ZNF514: variants seen among roughly 807,000 people sequenced by gnomAD.
ZNF514 encodes the protein zinc finger protein 514.
ZNF514 carries 12 observed loss-of-function variants against 9.7 expected under a neutral mutation model. The observed-to-expected ratio is 1.24, with a 90% CI of 0.79 to 2.01. The LOEUF is 2.01. Among genes scored for constraint, ZNF514 ranks in the 30% most tolerant of loss-of-function variants. The pLI is 0.00. For synonymous variants in ZNF514, 158 were observed against 163.7 expected (o/e 0.97, Z 0.27); for missense variants, 467 against 465.5 (o/e 1.00, Z -0.03).
At chr2:95,132,392 A>G in the ZNF514 span, among the ~76,000 whole-genome samples, 8 of 152,306 alleles carry the variant, frequency 5.3e-5, no homozygotes, top group African/African-American at 1.9e-4. Flanking sequence ...ATTAGCCATT[A>G]GGGAAATGCA....
At chr2:95,136,017 T>C in the ZNF514 span, among the ~76,000 whole-genome samples, 1 of 151,976 alleles carries the variant, frequency 6.6e-6, no homozygotes, top group Non-Finnish European at 1.5e-5. Flanking sequence ...TGAACCAAGA[T>C]CGTACCACTG....
intron 2 of ZNF514, among the ~76,000 whole-genome samples, chr2:95,156,698 C>A (rs1399599235): frequency 6.6e-6 from 1 of 152,204 alleles, no homozygotes; most frequent in Non-Finnish European, 1.5e-5. Flanking sequence ...TTATTATAGT[C>A]TTCATGTTAC....
At chr2:95,125,602 A>G in the ZNF514 span, among the ~76,000 whole-genome samples, 1 of 152,222 alleles carries the variant, frequency 6.6e-6, no homozygotes, top group East Asian at 1.9e-4. Context: ...TTGTGCTACC[A>G]TCACCACCAT....
rs766532512 is a variant in ZNF514, at chr2:95,150,161, C to A, written c.324G>T (p.Leu108=). The change falls in exon 5 of 5, where the codon CTG becomes CTT. Residue 108 remains leucine (L), a synonymous_variant. Coordinates refer to ENST00000295208, the MANE Select transcript of ZNF514 (RefSeq NM_032788.3). ...AGGCTGCTTTCAACTTCGAGAACTG[C>A]AGCACATCTTGAATGTGTTTTTCCA... ...VSVEKHIQDV[L]QFSKLKAACG... is the part of the protein sequence containing the mutation. 1 of 1,610,022 alleles carries A rather than the reference C, an allele frequency of 6.2e-7. No individual in the cohort carries two copies. The highest frequency in any genetic ancestry group is 8.5e-7 in the Non-Finnish European group (1 of 1,179,984).
At chr2:95,125,089 G>C in the ZNF514 span, among the ~76,000 whole-genome samples, 1 of 150,930 alleles carries the variant, frequency 6.6e-6, no homozygotes, top group East Asian at 2.0e-4. Context: ...ATGTTGCCCA[G>C]GCTGGTCTCA....
In ZNF514 at chr2:95,146,693, T is replaced by G. The variant is rs186801914; in HGVS notation, c.*2589A>C. On this transcript the variant is annotated 3_prime_UTR_variant, in exon 5 of 5. Coordinates refer to ENST00000295208, the MANE Select transcript of ZNF514 (RefSeq NM_032788.3). ...GACACTGGGTTCAAACTGGTAAGTA[T>G]GGTTAATATGGCAAGGATACATGAG... 3.6e-3 allele frequency among the ~76,000 whole-genome samples: 545 copies of G among 150,998 alleles called. 3 individuals carry two copies. The highest frequency in any genetic ancestry group is 0.012 in the African/African-American group (485 of 41,038).
the ZNF514 span, among the ~76,000 whole-genome samples, chr2:95,126,140 G>T: frequency 2.0e-5 from 3 of 152,258 alleles, no homozygotes; most frequent in East Asian, 5.8e-4. Flanking sequence ...GGAGGCCAAG[G>T]TGGGTGGATC....
the ZNF514 span, among the ~76,000 whole-genome samples, chr2:95,130,541 G>C: frequency 1.3e-5 from 2 of 152,260 alleles, no homozygotes; most frequent in African/African-American, 4.8e-5. Flanking sequence ...TGCCCCGGGG[G>C]GGCCGGTTCA....
At chr2:95,150,583 G>A (rs905290547) in intron 4 of ZNF514, among the ~76,000 whole-genome samples, 1 of 152,134 alleles carries the variant, frequency 6.6e-6, no homozygotes, top group Middle Eastern at 3.2e-3. Context: ...TAAGTGTAAA[G>A]GATGGAGACA....
Position 95,149,621 on chromosome 2 carries a change from G to C in ZNF514, c.864C>G (p.Tyr288Ter), listed in dbSNP as rs752210281. 1.5e-5 allele frequency: 25 copies of C among 1,614,042 alleles called. No individual in the cohort carries two copies. The Middle Eastern group carries it at 1.3e-3, about 85-fold the overall frequency. ...HYRFHTGEKPYKCNECGRAFG... is the reference protein window; with the variant it reads ...HYRFHTGEKP Reference sequence around the variant, plus strand: ...AGGCTCGTCCACATTCATTACATTTGTAGGGTTTCTCTCCAGTGTGAAATC... The same window carrying C: ...AGGCTCGTCCACATTCATTACATTTCTAGGGTTTCTCTCCAGTGTGAAATC... Residue 288 changes from tyrosine to a stop codon, truncating the protein, a stop_gained, in exon 5 of 5, where the codon TAC becomes TAG. Coordinates refer to ENST00000295208, the MANE Select transcript of ZNF514 (RefSeq NM_032788.3). LOFTEE classifies it low-confidence loss of function (END_TRUNC).
Position 95,149,175 on chromosome 2 carries a change from TG to T in ZNF514, c.*106del. The stretch of plus-strand genomic sequence containing the variant: ...TTATTGCCTGATGTGGAACAAGATG[TG>T]GTCTTCCCACATACATTACACCTTT... On this transcript the variant is annotated 3_prime_UTR_variant, in exon 5 of 5. Coordinates refer to ENST00000295208, the MANE Select transcript of ZNF514 (RefSeq NM_032788.3). The T allele has an allele frequency of 7.5e-7, 1 of 1,329,508 alleles. No individual in the cohort carries two copies. The highest frequency in any genetic ancestry group is 1.5e-5 in the African/African-American group (1 of 68,138). 82.4% of individuals were successfully genotyped at this position (1,329,508 alleles called of 1,614,324 possible).
chr2:95,131,170 T>G, the ZNF514 span, among the ~76,000 whole-genome samples: 1 of 152,118 alleles, frequency 6.6e-6, no homozygotes, highest in Non-Finnish European at 1.5e-5. Flanking sequence ...AGGCCTAAAA[T>G]TAAAGCCCAA....
Position 95,148,987 on chromosome 2 carries a change from C to T in ZNF514, c.*295G>A. 3.0e-6 allele frequency: 1 copy of T among 333,724 alleles called. No homozygotes were observed. The highest frequency in any genetic ancestry group is 8.2e-5 in the South Asian group (1 of 12,254). The allele number at this position is 333,724 out of a possible 1,614,324, so 20.7% of individuals were successfully genotyped here. Reference sequence around the variant, plus strand: ...ACTCACTGCATTGATAAGGCTCCTCCCCAGTGTCGGCTGTCTGATGCTGAA... The same window carrying T: ...ACTCACTGCATTGATAAGGCTCCTCTCCAGTGTCGGCTGTCTGATGCTGAA... On this transcript the variant is annotated 3_prime_UTR_variant, in exon 5 of 5. Coordinates refer to ENST00000295208, the MANE Select transcript of ZNF514 (RefSeq NM_032788.3).
chr2:95,142,877 T>G (rs1321696869), downstream of ZNF514, among the ~76,000 whole-genome samples: 2 of 152,248 alleles, frequency 1.3e-5, no homozygotes, highest in East Asian at 3.8e-4. Flanking sequence ...GGAATACAGA[T>G]CTGTCTCAAC....
chr2:95,152,505 T>C (rs1172431485), intron 4 of ZNF514, among the ~76,000 whole-genome samples, 169 bp downstream of exon 4: 1 of 152,068 alleles, frequency 6.6e-6, no homozygotes, highest in Non-Finnish European at 1.5e-5. Flanking sequence ...CAAAGGAACA[T>C]CTCCTCTCCT....
Position 95,153,256 on chromosome 2 carries a change from G to T in ZNF514, c.-3C>A. The T allele has an allele frequency of 6.2e-7, 1 of 1,613,488 alleles. No homozygotes were observed. The highest frequency in any genetic ancestry group is 8.5e-7 in the Non-Finnish European group (1 of 1,179,596). On this transcript the variant is annotated 5_prime_UTR_variant, in exon 3 of 5. In the 5' UTR this introduces an upstream ATG that the reference lacks. Transcript: ENST00000295208. ...ACAGCCACATCTTCAAATGTCATCA[G>T]GTCCTGAAACACAGAAGACACTCCA... is the stretch of plus-strand genomic sequence containing the variant.
At chr2:95,127,955 A>G in the ZNF514 span, among the ~76,000 whole-genome samples, 2 of 152,098 alleles carry the variant, frequency 1.3e-5, no homozygotes, top group African/African-American at 4.8e-5. Flanking sequence ...TTTTTGACCT[A>G]AAGAGCCATG....
chr2:95,130,421 T>A, the ZNF514 span, among the ~76,000 whole-genome samples: 1 of 152,112 alleles, frequency 6.6e-6, no homozygotes, highest in Non-Finnish European at 1.5e-5. Flanking sequence ...GATCAACGGG[T>A]CTGAACAAAA....
At chr2:95,127,566 TTTG>T in the ZNF514 span, among the ~76,000 whole-genome samples, 1 of 148,796 alleles carries the variant, frequency 6.7e-6, no homozygotes, top group Non-Finnish European at 1.5e-5. Context: ...TTTTGGTTGT[TTTG>T]TTTTTGTTTT....
Sources: allele counts gnomAD v4.1 joint callset (sites outside exome capture counted in the v4.1 genomes callset), GRCh38; gene constraint gnomAD v4.1.1; transcripts MANE v1.5; gene names NCBI Gene and HGNC (gene_info 2026-07-23, HGNC 2026-07-21).